EYS: variants seen among roughly 807,000 people sequenced by gnomAD.
EYS encodes the protein EGF-like photoreceptor maintenance factor.
In EYS, 250 loss-of-function variants were observed where a neutral mutation model predicts 282.1. The ratio of observed to expected loss-of-function variants is 0.89; its 90% CI spans 0.80 to 0.98. The LOEUF is 0.98. Ranked by LOEUF, EYS falls within the 50% of genes least tolerant of loss-of-function variation. The pLI, the probability that EYS is intolerant of heterozygous loss-of-function variation, is 0.00. For synonymous variants in EYS, 1,355 were observed against 1,282.9 expected, an observed-to-expected ratio of 1.06 and a Z score of -1.20; for missense variants, 4,016 against 3,709.0, an observed-to-expected ratio of 1.08 and a Z score of -2.15.
intron 26 of EYS, among the ~76,000 whole-genome samples, chr6:64,477,483 CTCATCCT>C: frequency 6.6e-6 from 1 of 152,186 alleles, no homozygotes; most frequent in African/African-American, 2.4e-5. Flanking sequence ...TGCCCTCTGC[CTCATCCT>C]GTCTGACGTC....
At chr6:63,951,782 T>A (rs1165687085) in intron 35 of EYS, among the ~76,000 whole-genome samples, 1 of 152,076 alleles carries the variant, frequency 6.6e-6, no homozygotes, top group African/African-American at 2.4e-5. Flanking sequence ...TTTTTCTTTA[T>A]CCAACCTCTC....
intron 12 of EYS, among the ~76,000 whole-genome samples, chr6:65,236,657 T>C (rs1267144293): frequency 2.0e-5 from 3 of 152,130 alleles, no homozygotes; most frequent in African/African-American, 7.2e-5. Flanking sequence ...TGATGGTTTG[T>C]GGCTACCAAA....
intron 13 of EYS, among the ~76,000 whole-genome samples, chr6:65,025,295 C>CAT (rs1468116789): frequency 1.3e-5 from 2 of 152,094 alleles, no homozygotes; most frequent in African/African-American, 4.8e-5. Context: ...GGAGCAATTG[C>CAT]ATATCACCCC....
intron 22 of EYS, among the ~76,000 whole-genome samples, chr6:64,735,416 C>G (rs997092906): frequency 6.6e-4 from 100 of 152,240 alleles, no homozygotes; most frequent in African/African-American, 1.8e-3. Flanking sequence ...CTCCTGTGCA[C>G]TATCTTATTT....
chr6:65,495,436 T>C lies in EYS; in HGVS notation c.-26A>G, dbSNP rs1333188778. On this transcript the variant is annotated 5_prime_UTR_variant, in exon 4 of 43. It adds an upstream start codon to the 5' untranslated region. Transcript: ENST00000503581. Reference sequence around the variant, plus strand: ...TTTCGGGTAGCTGTATTTTACAGTTTATCATAAAGAATTGCTGCAAAATGG... The same window carrying C: ...TTTCGGGTAGCTGTATTTTACAGTTCATCATAAAGAATTGCTGCAAAATGG... 2 of 1,603,388 alleles carry C rather than the reference T, an allele frequency of 1.2e-6. No individual in the cohort carries two copies. The highest frequency in any genetic ancestry group is 4.5e-5 in the East Asian group (2 of 44,854).
intron 11 of EYS, among the ~76,000 whole-genome samples, chr6:65,306,942 T>C (rs1350962704): frequency 1.4e-5 from 2 of 143,488 alleles, no homozygotes; most frequent in Admixed American, 6.9e-5. Flanking sequence ...CCATTCAACC[T>C]GATCCTTTTT....
intron 13 of EYS, among the ~76,000 whole-genome samples, chr6:65,056,638 AT>A (rs1203187261): frequency 6.6e-6 from 1 of 152,046 alleles, no homozygotes; most frequent in Non-Finnish European, 1.5e-5. Flanking sequence ...TACTTAGGCC[AT>A]TCCCTCTGTA....
intron 19 of EYS, among the ~76,000 whole-genome samples, chr6:64,825,686 G>T (rs1406988145): frequency 6.6e-6 from 1 of 151,730 alleles, no homozygotes; most frequent in Non-Finnish European, 1.5e-5. Context: ...TGCAGCCAAG[G>T]GGAAATATTT....
At chr6:64,659,613 A>C (rs1397380596) in intron 22 of EYS, among the ~76,000 whole-genome samples, 5 of 152,110 alleles carry the variant, frequency 3.3e-5, no homozygotes, top group Admixed American at 1.3e-4. Flanking sequence ...AACACCTCTA[A>C]GCAAATAAAC....
intron 33 of EYS, among the ~76,000 whole-genome samples, chr6:64,011,406 G>GA (rs913781913): frequency 1.3e-4 from 19 of 151,950 alleles, no homozygotes; most frequent in Admixed American, 1.2e-3. Flanking sequence ...GAGGTAGGAT[G>GA]AAAAAAAAGT....
intron 2 of EYS, among the ~76,000 whole-genome samples, chr6:65,603,398 T>G (rs567192635): frequency 6.6e-6 from 1 of 152,086 alleles, no homozygotes; most frequent in South Asian, 2.1e-4. Context: ...GGATAATATC[T>G]CTGTAAGGTG....
At chr6:64,648,663 A>G (rs1025450416) in intron 22 of EYS, among the ~76,000 whole-genome samples, 1 of 152,192 alleles carries the variant, frequency 6.6e-6, no homozygotes, top group Non-Finnish European at 1.5e-5. Context: ...AAGGTAAACG[A>G]TTTATAATCA....
rs878907984 is a variant in EYS at position 64,436,096 on chromosome 6, G to A, written c.5927+78C>T. The A allele has an allele frequency of 6.2e-6, 5 of 806,564 alleles. No homozygotes were observed. The South Asian group carries it at 1.3e-4, about 20-fold the overall frequency. 50.0% of individuals were successfully genotyped at this position (806,564 alleles called of 1,614,324 possible). On this transcript the variant is annotated intron_variant, in intron 28 of 42. Transcript: ENST00000503581. ...TACTAATCAGTATAACCTCAATTTT[G>A]AAATGACAAGTACAATATTGTTAGG...
In EYS at chr6:63,994,114, A is replaced by G. The variant is rs1030381418; in HGVS notation, c.6834+4961T>C. On this transcript the variant is annotated intron_variant, in intron 34 of 42. Coordinates refer to ENST00000503581, the MANE Select transcript of EYS (RefSeq NM_001142800.2). ...GAGTGTCATTTTATAATGAGCAAGC[A>G]TTTGGCATATATCTGAAAGATGTCT... 3.3e-5 allele frequency among the ~76,000 whole-genome samples: 5 copies of G among 151,942 alleles called. No individual in the cohort carries two copies. The East Asian group carries it at 5.8e-4, about 18-fold the overall frequency.
At chr6:65,564,654 C>A (rs1278622720) in intron 2 of EYS, among the ~76,000 whole-genome samples, 1 of 152,058 alleles carries the variant, frequency 6.6e-6, no homozygotes, top group Non-Finnish European at 1.5e-5. Flanking sequence ...AACATAAGAC[C>A]TAAAACCATA....
At chr6:64,045,889 G>A (rs975147232) in intron 33 of EYS, among the ~76,000 whole-genome samples, 1 of 139,638 alleles carries the variant, frequency 7.2e-6, no homozygotes, top group South Asian at 2.2e-4. Flanking sequence ...TTTTATATAT[G>A]TAATATATAA....
At chr6:63,946,787 T>C (rs1004125434) in intron 35 of EYS, among the ~76,000 whole-genome samples, 6 of 150,282 alleles carry the variant, frequency 4.0e-5, no homozygotes, top group African/African-American at 1.5e-4. Flanking sequence ...TTTTGCAGAA[T>C]AAAATATCTT....
intron 32 of EYS, 97 bp from the exon 33 acceptor site, chr6:64,066,588 T>C: frequency 6.0e-6 from 5 of 828,688 alleles, no homozygotes; most frequent in Non-Finnish European, 9.3e-6. Context: ...AGACTAATGA[T>C]TTAGGGGGTT....
chr6:65,493,450 T>G (rs1371101760), intron 4 of EYS, among the ~76,000 whole-genome samples: 1 of 152,214 alleles, frequency 6.6e-6, no homozygotes, highest in Non-Finnish European at 1.5e-5. Context: ...CAAATATTTC[T>G]CTTTGTTAGA....
Sources: gnomAD v4.1 joint callset for allele counts (sites outside exome capture counted in the v4.1 genomes callset) on GRCh38, gnomAD v4.1.1 for gene constraint, MANE v1.5 for transcripts, NCBI Gene and HGNC (gene_info 2026-07-23, HGNC 2026-07-21) for gene names.